Variants in TDRD5 observed in about 807,000 individuals in gnomAD.
The protein encoded by TDRD5 is tudor domain containing 5.
Under a neutral mutation model 120.6 loss-of-function variants are expected in TDRD5, and 41 were observed. The ratio of observed to expected loss-of-function variants is 0.34; its 90% CI spans 0.26 to 0.44. TDRD5 has a LOEUF of 0.44. TDRD5 is among the 20% of genes least tolerant of loss of function. TDRD5 has a pLI of 1.00. For synonymous variants in TDRD5, 430 were observed against 433.7 expected (o/e 0.99, Z 0.11); for missense variants, 1,006 against 1,221.2 (o/e 0.82, Z 2.63).
At chr1:179,620,862 T>A (rs1464115275) in intron 5 of TDRD5, among the ~76,000 whole-genome samples, 173 bp from the exon 6 acceptor site, 1 of 151,604 alleles carries the variant, frequency 6.6e-6, no homozygotes, top group Non-Finnish European at 1.5e-5. Context: ...CTCTTTTTGT[T>A]CTAATGTTTT....
intron 14 of TDRD5, among the ~76,000 whole-genome samples, chr1:179,657,368 A>G (rs1323080082): frequency 2.0e-5 from 3 of 152,134 alleles, no homozygotes; most frequent in Admixed American, 2.0e-4. Flanking sequence ...ACTTATTTTG[A>G]GAGCTATTAT....
At chr1:179,592,562 G>A (rs1299923467) in intron 1 of TDRD5, 40 bp from the exon 2 acceptor site, 1 of 1,485,916 alleles carries the variant, frequency 6.7e-7, no homozygotes, top group African/African-American at 1.4e-5. Context: ...CTTTTTTCGT[G>A]GGTTTGCCCC....
intron 17 of TDRD5, among the ~76,000 whole-genome samples, chr1:179,673,755 A>C (rs1426305572): frequency 7.2e-6 from 1 of 138,432 alleles, no homozygotes; most frequent in Non-Finnish European, 1.6e-5. Context: ...AATGGGAGGC[A>C]GGTTTGCCCT....
rs780076482 is a variant in TDRD5, at chr1:179,595,783, A to G, written c.796A>G (p.Thr266Ala). ...GACTTCCAAGTTAAATGTAGTGGAGACTTCAAGACTGAATCACACTGAAAA... is the reference window on the plus strand; with the variant it reads ...GACTTCCAAGTTAAATGTAGTGGAGGCTTCAAGACTGAATCACACTGAAAA... ...EKTSKLNVVETSRLNHTEKLN... is the reference protein window; with the variant it reads ...EKTSKLNVVEASRLNHTEKLN... The change falls in exon 4 of 18, where the codon ACT becomes GCT. Residue 266 changes from threonine (T) to alanine (A), a missense_variant. Coordinates refer to ENST00000444136, the MANE Select transcript of TDRD5 (RefSeq NM_001199085.3). 14 of 1,611,828 alleles carry G rather than the reference A, an allele frequency of 8.7e-6. No individual in the cohort carries two copies. In the East Asian group the frequency reaches 2.9e-4, roughly 33 times the overall value.
intron 4 of TDRD5, among the ~76,000 whole-genome samples, chr1:179,608,348 T>C (rs1360774368): frequency 6.6e-6 from 1 of 152,100 alleles, no homozygotes; most frequent in African/African-American, 2.4e-5. Flanking sequence ...TCATGAAATC[T>C]AGAAATTTTG....
At chr1:179,677,846 T>TG in intron 17 of TDRD5, among the ~76,000 whole-genome samples, 1 of 152,134 alleles carries the variant, frequency 6.6e-6, no homozygotes, top group East Asian at 1.9e-4. Flanking sequence ...AGCCAGGAGG[T>TG]GGTGCTTTCA....
chr1:179,601,379 A>C (rs1353546508), intron 4 of TDRD5, among the ~76,000 whole-genome samples: 1 of 152,164 alleles, frequency 6.6e-6, no homozygotes, highest in African/African-American at 2.4e-5. Context: ...CAAGCAGTAT[A>C]CACTGCACCC....
At chr1:179,599,694 A>C (rs4652423) in intron 4 of TDRD5, among the ~76,000 whole-genome samples, 1 of 152,028 alleles carries the variant, frequency 6.6e-6, no homozygotes, top group East Asian at 1.9e-4. Flanking sequence ...ATCTGTCTCT[A>C]TCTCTCTCAT....
chr1:179,642,262 G>A (rs577587648), intron 11 of TDRD5, among the ~76,000 whole-genome samples: 4 of 151,884 alleles, frequency 2.6e-5, no homozygotes, highest in Middle Eastern at 3.4e-3. Context: ...CACCATGCCC[G>A]GCTAATTTTT....
chr1:179,623,709 C>CT (rs1337431512), intron 6 of TDRD5, among the ~76,000 whole-genome samples: 7 of 136,966 alleles, frequency 5.1e-5, no homozygotes, highest in African/African-American at 1.9e-4. Context: ...TCTTGGGTTA[C>CT]TGCAGCCTTG....
Position 179,595,582 on chromosome 1 carries a change from A to G in TDRD5, c.641-46A>G, listed in dbSNP as rs1407951488. The G allele has an allele frequency of 2.7e-6, 4 of 1,490,456 alleles. No homozygotes were observed. In the East Asian group the frequency reaches 7.0e-5, roughly 26 times the overall value. 92.3% of individuals were successfully genotyped at this position (1,490,456 alleles called of 1,614,324 possible). Reference sequence around the variant, plus strand: ...TGTAGCCACCGGAAAATGAAATAGAAGTTGCTAGTGACAATTTTTCTTTCT... The same window carrying G: ...TGTAGCCACCGGAAAATGAAATAGAGGTTGCTAGTGACAATTTTTCTTTCT... On this transcript the variant is annotated intron_variant, in intron 3 of 17. Coordinates refer to ENST00000444136, the MANE Select transcript of TDRD5 (RefSeq NM_001199085.3).
intron 17 of TDRD5, among the ~76,000 whole-genome samples, chr1:179,676,496 G>A (rs1380028381): frequency 6.6e-6 from 1 of 152,130 alleles, no homozygotes; most frequent in Non-Finnish European, 1.5e-5. Flanking sequence ...GTATTTTGAG[G>A]ATGTGTTTCA....
In TDRD5 at chr1:179,619,394, A is replaced by G. The variant is rs575342387; in HGVS notation, c.915+712A>G. On this transcript the variant is annotated intron_variant, in intron 5 of 17. Transcript: ENST00000444136. ...TAACAAGTGAAAACTCTTTGGTGTT[A>G]TGTATTGAGCCAAAGAGTTATGTAC... Among the ~76,000 whole-genome samples, 29 of 152,252 alleles carry G rather than the reference A, an allele frequency of 1.9e-4. 1 individual carries two copies. Among genetic ancestry groups the G allele is most frequent in the Admixed American group, 5.9e-4 (9 of 15,294 alleles).
chr1:179,676,750 C>G (rs1270450727), intron 17 of TDRD5, among the ~76,000 whole-genome samples: 1 of 152,292 alleles, frequency 6.6e-6, no homozygotes, highest in African/African-American at 2.4e-5. Context: ...TTGTAGGTTA[C>G]CTGATGCTTT....
intron 17 of TDRD5, among the ~76,000 whole-genome samples, chr1:179,676,388 A>T (rs929762304): frequency 6.6e-6 from 1 of 152,284 alleles, no homozygotes. Context: ...TATTCTATTC[A>T]TCATGCTATT....
chr1:179,690,669 G>C (rs1440880524), intron 17 of TDRD5, 27 bp from the exon 18 acceptor site: 1 of 1,604,358 alleles, frequency 6.2e-7, no homozygotes, highest in Non-Finnish European at 8.5e-7. Flanking sequence ...CCCTTGAAAA[G>C]ATGTTTGTGT....
intron 17 of TDRD5, among the ~76,000 whole-genome samples, chr1:179,684,593 TC>T (rs1240083002): frequency 1.3e-5 from 2 of 152,230 alleles, no homozygotes; most frequent in African/African-American, 4.8e-5. Flanking sequence ...AAATGGTATT[TC>T]TAGTTCTAGA....
chr1:179,604,028 T>C (rs1675847518), intron 4 of TDRD5, among the ~76,000 whole-genome samples: 1 of 152,146 alleles, frequency 6.6e-6, no homozygotes, highest in Non-Finnish European at 1.5e-5. Flanking sequence ...TTGTTGGTAA[T>C]TTTTAAATTA....
intron 14 of TDRD5, among the ~76,000 whole-genome samples, chr1:179,656,585 A>G (rs1168574671): frequency 1.3e-5 from 2 of 152,210 alleles, no homozygotes; most frequent in African/African-American, 4.8e-5. Context: ...TTTGTTGACA[A>G]GACTATCCTA....
Sources: gnomAD v4.1 joint callset for allele counts (sites outside exome capture counted in the v4.1 genomes callset) on GRCh38, gnomAD v4.1.1 for gene constraint, MANE v1.5 for transcripts, NCBI Gene and HGNC (gene_info 2026-07-23, HGNC 2026-07-21) for gene names.